Variants in THADA observed in about 807,000 individuals in gnomAD.
The protein encoded by THADA is THADA armadillo repeat containing.
In THADA, 213 loss-of-function variants were observed where a neutral mutation model predicts 219.8. The ratio of observed to expected loss-of-function variants is 0.97; its 90% CI spans 0.87 to 1.09. THADA has a LOEUF of 1.09. Ranked by LOEUF, THADA falls within the 50% of genes least tolerant of loss-of-function variation. The probability of loss-of-function intolerance (pLI) is 0.00; values close to 1 mark genes in which losing one functional copy is unlikely to be tolerated. For synonymous variants in THADA, 1,018 were observed against 828.9 expected (o/e 1.23, Z -3.92); for missense variants, 2,956 against 2,311.3 (o/e 1.28, Z -5.72).
intron 22 of THADA, among the ~76,000 whole-genome samples, chr2:43,524,002 G>C (rs924081875): frequency 4.9e-4 from 75 of 152,124 alleles, no homozygotes; most frequent in Admixed American, 6.6e-5. Flanking sequence ...TAAGATCACA[G>C]AAAGTAAACA....
At chr2:43,366,340 GGTGGA>G (rs960766456) in intron 29 of THADA, among the ~76,000 whole-genome samples, 4 of 152,176 alleles carry the variant, frequency 2.6e-5, no homozygotes, top group African/African-American at 9.7e-5. Context: ...ACCTAAGTAA[GGTGGA>G]GTGAAGAAGA....
At chr2:43,493,268 G>A (rs1687873892) in intron 25 of THADA, among the ~76,000 whole-genome samples, 1 of 152,164 alleles carries the variant, frequency 6.6e-6, no homozygotes, top group Non-Finnish European at 1.5e-5. Flanking sequence ...AGGACAAGGC[G>A]GGTGGATCAC....
intron 36 of THADA, among the ~76,000 whole-genome samples, chr2:43,252,955 T>C (rs1011113719): frequency 6.6e-6 from 1 of 152,222 alleles, no homozygotes; most frequent in African/African-American, 2.4e-5. Context: ...ACTGTTCCAA[T>C]CTTTTCCCTG....
At chr2:43,243,782 A>T (rs1345887989) in intron 36 of THADA, among the ~76,000 whole-genome samples, 1 of 152,222 alleles carries the variant, frequency 6.6e-6, no homozygotes, top group African/African-American at 2.4e-5. Flanking sequence ...ACCCTTTAAA[A>T]TTCTAAGAAT....
chr2:43,537,317 T>C (rs1249871684), intron 21 of THADA, among the ~76,000 whole-genome samples: 3 of 152,238 alleles, frequency 2.0e-5, no homozygotes, highest in South Asian at 4.1e-4. Flanking sequence ...GTATCCTCTA[T>C]TGTATTTCTA....
chr2:43,304,420 T>A (rs1676607693), intron 31 of THADA, among the ~76,000 whole-genome samples: 1 of 152,122 alleles, frequency 6.6e-6, no homozygotes. Context: ...CTACAAAATG[T>A]CACTTATAAG....
Position 43,313,294 on chromosome 2 carries a change from A to G in THADA, c.4438+7152T>C, listed in dbSNP as rs184728040. On this transcript the variant is annotated intron_variant, in intron 31 of 37. Coordinates refer to ENST00000405975, the MANE Select transcript of THADA (RefSeq NM_022065.5). ...GTCTTCTAATCGTACACTGATCTAC[A>G]GAGCGCACTGACTTGGCATTTAGAC... Among the ~76,000 whole-genome samples the G allele has an allele frequency of 3.0e-3, 450 of 152,370 alleles. 3 individuals are homozygous for G. The highest frequency in any genetic ancestry group is 0.01 in the African/African-American group (432 of 41,572).
chr2:43,490,126 G>A (rs1237671639), intron 25 of THADA, among the ~76,000 whole-genome samples: 1 of 152,082 alleles, frequency 6.6e-6, no homozygotes, highest in East Asian at 1.9e-4. Context: ...TATCATAAAT[G>A]AAACTGTTTT....
chr2:43,552,483 G>A (rs1012488380), intron 17 of THADA, 144 bp from the exon 18 acceptor site: 2 of 926,462 alleles, frequency 2.2e-6, no homozygotes, highest in Non-Finnish European at 3.1e-6. Context: ...ATCTTTCAGG[G>A]TTATCCAACA....
chr2:43,380,454 T>C (rs941417519), intron 29 of THADA, among the ~76,000 whole-genome samples: 1 of 152,140 alleles, frequency 6.6e-6, no homozygotes, highest in Non-Finnish European at 1.5e-5. Flanking sequence ...TTGGACAAAG[T>C]TTACAGATAT....
Position 43,232,892 on chromosome 2 carries a change from C to G in THADA, c.5297-10G>C. On this transcript the variant is annotated splice_polypyrimidine_tract_variant and intron_variant, in intron 36 of 37. Coordinates refer to ENST00000405975, the MANE Select transcript of THADA (RefSeq NM_022065.5). ...TGGCAGAAGGCAAACTCTGCAAAGA[C>G]AGGAGAAAGGTGAGCAATGAATATA... The G allele has an allele frequency of 1.9e-6, 3 of 1,604,822 alleles. No individual in the cohort carries two copies. The highest frequency in any genetic ancestry group is 2.6e-6 in the Non-Finnish European group (3 of 1,176,142).
At chr2:43,293,496 C>T (rs1158930224) in intron 31 of THADA, among the ~76,000 whole-genome samples, 5 of 152,152 alleles carry the variant, frequency 3.3e-5, no homozygotes, top group Non-Finnish European at 5.9e-5. Context: ...AATACGAACT[C>T]AGTGACCTCT....
At chr2:43,269,008 A>AT (rs1230970619) in intron 36 of THADA, among the ~76,000 whole-genome samples, 1 of 152,230 alleles carries the variant, frequency 6.6e-6, no homozygotes, top group African/African-American at 2.4e-5. Context: ...CTTAGGTTCA[A>AT]AAAGGAAGCC....
chr2:43,463,286 A>AC (rs1405798826), intron 26 of THADA: 1 of 152,240 alleles, frequency 6.6e-6, no homozygotes, highest in Non-Finnish European at 1.5e-5. Flanking sequence ...GAGCAAACCA[A>AC]CAGGTATAAA....
chr2:43,435,211 T>C (rs974508147), intron 26 of THADA, among the ~76,000 whole-genome samples: 3 of 152,116 alleles, frequency 2.0e-5, no homozygotes, highest in African/African-American at 7.2e-5. Flanking sequence ...TCCGAGCACT[T>C]TGGGAGGCCC....
At chr2:43,336,610 C>T (rs950776957) in intron 30 of THADA, among the ~76,000 whole-genome samples, 2 of 151,896 alleles carry the variant, frequency 1.3e-5, no homozygotes, top group Non-Finnish European at 2.9e-5. Context: ...GCCTCCACAA[C>T]AATCAACCAC....
At chr2:43,580,980 C>T (rs942426698) in intron 8 of THADA, among the ~76,000 whole-genome samples, 1 of 152,024 alleles carries the variant, frequency 6.6e-6, no homozygotes, top group African/African-American at 2.4e-5. Flanking sequence ...CTAACAAGAG[C>T]TCTAAAGAGA....
At chr2:43,507,982 G>C (rs1013999412) in intron 23 of THADA, among the ~76,000 whole-genome samples, 1 of 152,106 alleles carries the variant, frequency 6.6e-6, no homozygotes. Context: ...AAACGGACTC[G>C]CACACACATA....
chr2:43,367,136 CACAG>C (rs1265644370), intron 29 of THADA, among the ~76,000 whole-genome samples: 2 of 152,108 alleles, frequency 1.3e-5, no homozygotes, highest in African/African-American at 4.8e-5. Flanking sequence ...TAGTCAAACT[CACAG>C]ACACAAGAAA....
Sources: gnomAD v4.1 joint callset for allele counts (sites outside exome capture counted in the v4.1 genomes callset) on GRCh38, gnomAD v4.1.1 for gene constraint, MANE v1.5 for transcripts, NCBI Gene and HGNC (gene_info 2026-07-23, HGNC 2026-07-21) for gene names.